Variants in OMA1 observed in about 807,000 individuals in gnomAD.
OMA1 encodes the protein metalloendopeptidase OMA1, mitochondrial.
Under a neutral mutation model 30.9 loss-of-function variants are expected in OMA1, and 38 were observed. The observed-to-expected ratio is 1.23, with a 90% CI of 0.95 to 1.61. The LOEUF (loss-of-function observed/expected upper bound fraction) is 1.61, where lower values mean the gene tolerates loss of function less well. OMA1 is among the 40% of genes most tolerant of loss of function. OMA1 has a pLI of 0.00. For missense variants in OMA1, 461 were observed against 349.2 expected, an observed-to-expected ratio of 1.32 and a Z score of -2.55; for synonymous variants, 173 against 121.9, an observed-to-expected ratio of 1.42 and a Z score of -2.76.
chr1:58,519,638 A>G (rs1646229458), intron 7 of OMA1, among the ~76,000 whole-genome samples: 1 of 152,220 alleles, frequency 6.6e-6, no homozygotes, highest in African/African-American at 2.4e-5. Flanking sequence ...CCAGCATTCA[A>G]TCAAAAATAA....
chr1:58,517,527 T>C (rs945996933), intron 7 of OMA1, among the ~76,000 whole-genome samples: 2 of 152,232 alleles, frequency 1.3e-5, no homozygotes, highest in African/African-American at 2.4e-5. Flanking sequence ...TAATTTGATG[T>C]AACTTGAGAG....
Position 58,499,816 on chromosome 1 carries a change from G to GA in OMA1, c.1365+6243dup, listed in dbSNP as rs557876537. On this transcript the variant is annotated intron_variant, in intron 8 of 8. Coordinates refer to ENST00000371226, the MANE Select transcript of OMA1 (RefSeq NM_145243.5). ...TAAATAAAAAATAAACACTTGTATT[G>GA]AAAAAAAAACTGGCTATATTTATTC... Among the ~76,000 whole-genome samples, 532 of 148,800 alleles carry GA rather than the reference G, an allele frequency of 3.6e-3. 7 individuals are homozygous for GA. Among genetic ancestry groups the GA allele is most frequent in the East Asian group, 0.028 (145 of 5,106 alleles).
chr1:58,516,641 G>A (rs974237170), intron 7 of OMA1, among the ~76,000 whole-genome samples: 3 of 152,158 alleles, frequency 2.0e-5, no homozygotes, highest in Non-Finnish European at 4.4e-5. Flanking sequence ...GAACCCTAGG[G>A]AAAGTGGGCT....
intron 8 of OMA1, among the ~76,000 whole-genome samples, chr1:58,482,410 C>A (rs192965169): frequency 1.1e-3 from 164 of 152,186 alleles, no homozygotes; most frequent in African/African-American, 3.9e-3. Context: ...AGCCTTAGAA[C>A]TATTTAACTC....
chr1:58,488,338 T>C (rs1234288701), intron 8 of OMA1, among the ~76,000 whole-genome samples: 1 of 152,232 alleles, frequency 6.6e-6, no homozygotes, highest in Non-Finnish European at 1.5e-5. Context: ...TTATTTATTA[T>C]TTCAATAGGT....
At chr1:58,502,057 G>A (rs1418041735) in intron 8 of OMA1, among the ~76,000 whole-genome samples, 1 of 152,036 alleles carries the variant, frequency 6.6e-6, no homozygotes, top group Non-Finnish European at 1.5e-5. Flanking sequence ...ACAGATGACT[G>A]ATAAATACTT....
At chr1:58,489,372 C>T (rs955852482) in intron 8 of OMA1, among the ~76,000 whole-genome samples, 4 of 152,214 alleles carry the variant, frequency 2.6e-5, no homozygotes, top group African/African-American at 9.6e-5. Context: ...GATCAAACTG[C>T]AAGGTGGCAG....
At chr1:58,489,832 G>A (rs149971045) in intron 8 of OMA1, among the ~76,000 whole-genome samples, 2,257 of 152,262 alleles carry the variant, frequency 0.015, 46 homozygotes, top group East Asian at 0.12. Context: ...AGGCAAACAG[G>A]GTCTGGAGTG....
intron 1 of OMA1, among the ~76,000 whole-genome samples, chr1:58,543,221 G>A (rs1038996884): frequency 1.3e-5 from 2 of 152,264 alleles, no homozygotes. Flanking sequence ...TGATCTCTAA[G>A]ACGTTTACAT....
At chr1:58,492,060 C>G (rs901639215) in intron 8 of OMA1, among the ~76,000 whole-genome samples, 1 of 152,314 alleles carries the variant, frequency 6.6e-6, no homozygotes, top group East Asian at 1.9e-4. Flanking sequence ...GTATAACAAA[C>G]TGTCTCTCAG....
At chr1:58,544,074 A>C (rs977423403) in intron 1 of OMA1, among the ~76,000 whole-genome samples, 23 of 152,220 alleles carry the variant, frequency 1.5e-4, no homozygotes, top group African/African-American at 4.6e-4. Flanking sequence ...CATCTAAAGG[A>C]GGTGCAAACA....
At chr1:58,537,500 G>A (rs1216819261) in intron 2 of OMA1, among the ~76,000 whole-genome samples, 1 of 152,178 alleles carries the variant, frequency 6.6e-6, no homozygotes, top group African/African-American at 2.4e-5. Flanking sequence ...AGATTTTATA[G>A]ATAACATCTG....
intron 8 of OMA1, among the ~76,000 whole-genome samples, chr1:58,504,840 T>C (rs1645961784): frequency 1.3e-5 from 2 of 152,226 alleles, no homozygotes; most frequent in Non-Finnish European, 2.9e-5. Flanking sequence ...TAGCATCCTG[T>C]AAATATCAAG....
At chr1:58,495,987 T>G (rs1645794642) in intron 8 of OMA1, among the ~76,000 whole-genome samples, 8 of 152,188 alleles carry the variant, frequency 5.3e-5, no homozygotes. Context: ...TTTCAGGGCT[T>G]CCCATGGATG....
At chr1:58,521,888 A>C (rs960197101) in intron 7 of OMA1, among the ~76,000 whole-genome samples, 4 of 152,186 alleles carry the variant, frequency 2.6e-5, no homozygotes, top group African/African-American at 9.7e-5. Flanking sequence ...GAAAATGAAG[A>C]ACACTTCCCT....
intron 1 of OMA1, among the ~76,000 whole-genome samples, chr1:58,541,076 G>A (rs1416673298): frequency 6.6e-6 from 1 of 150,968 alleles, no homozygotes; most frequent in African/African-American, 2.4e-5. Flanking sequence ...TTGGGAGGCC[G>A]AGGCAGGTGG....
intron 7 of OMA1, 43 bp from the exon 8 acceptor site, chr1:58,506,252 G>C (rs779888567): frequency 2.4e-6 from 2 of 818,064 alleles, no homozygotes; most frequent in South Asian, 3.0e-5. Flanking sequence ...GCTCAGTTTT[G>C]AGGATTTTTT....
chr1:58,511,447 A>G (rs1646075340), intron 7 of OMA1, among the ~76,000 whole-genome samples: 1 of 152,138 alleles, frequency 6.6e-6, no homozygotes, highest in Non-Finnish European at 1.5e-5. Flanking sequence ...CAGGAGTCCA[A>G]GACCAACCTG....
intron 8 of OMA1, among the ~76,000 whole-genome samples, chr1:58,491,846 G>A (rs1348879259): frequency 6.6e-6 from 1 of 152,128 alleles, no homozygotes; most frequent in Non-Finnish European, 1.5e-5. Context: ...GTTAACATTA[G>A]ACAGATCAAT....
Sources: allele counts gnomAD v4.1 joint callset (sites outside exome capture counted in the v4.1 genomes callset), GRCh38; gene constraint gnomAD v4.1.1; transcripts MANE v1.5; gene names NCBI Gene and HGNC (gene_info 2026-07-23, HGNC 2026-07-21).